Variants in SYT14 observed in about 807,000 individuals in gnomAD.
The protein encoded by SYT14 is synaptotagmin 14, also known as synaptotagmin-14.
SYT14 carries 32 observed loss-of-function variants against 74.2 expected under a neutral mutation model. That is an observed-to-expected ratio of 0.43 (90% CI 0.33 to 0.58). The LOEUF (loss-of-function observed/expected upper bound fraction) is 0.58, where lower values mean the gene tolerates loss of function less well. Ranked by LOEUF, SYT14 falls within the 20% of genes least tolerant of loss-of-function variation. The pLI, the probability that SYT14 is intolerant of heterozygous loss-of-function variation, is 0.05. For synonymous variants in SYT14, 298 were observed against 337.7 expected (o/e 0.88, Z 1.29); for missense variants, 791 against 981.8 (o/e 0.81, Z 2.60).
chr1:210,080,805 A>G (rs2081602281), intron 5 of SYT14, among the ~76,000 whole-genome samples: 1 of 152,224 alleles, frequency 6.6e-6, no homozygotes, highest in Non-Finnish European at 1.5e-5. Context: ...ATAAGTACTT[A>G]GGACCACTTA....
intron 1 of SYT14, among the ~76,000 whole-genome samples, chr1:209,943,151 A>C (rs926004809): frequency 1.3e-5 from 2 of 152,220 alleles, no homozygotes; most frequent in Non-Finnish European, 2.9e-5. Context: ...ATTCAAGGTT[A>C]CTTTTCTAAC....
intron 2 of SYT14, among the ~76,000 whole-genome samples, chr1:210,004,472 A>T (rs1572144709): frequency 6.6e-6 from 1 of 152,126 alleles, no homozygotes; most frequent in African/African-American, 2.4e-5. Context: ...ACCAAATTTT[A>T]CATCTCTTAA....
At chr1:210,055,068 C>T (rs756249855) in intron 5 of SYT14, among the ~76,000 whole-genome samples, 3 of 152,148 alleles carry the variant, frequency 2.0e-5, no homozygotes, top group Non-Finnish European at 4.4e-5. Flanking sequence ...CCTTCAATTC[C>T]TGAGCCTTTC....
intron 7 of SYT14, among the ~76,000 whole-genome samples, chr1:210,137,786 T>C (rs2082821074): frequency 6.6e-6 from 1 of 151,876 alleles, no homozygotes; most frequent in Non-Finnish European, 1.5e-5. Flanking sequence ...GTTCAAGTGA[T>C]TCTCCTGCCT....
At chr1:210,165,406 T>C (rs1400957820) in exon 10 of SYT14, 1 of 152,186 alleles carries the variant, frequency 6.6e-6, no homozygotes, top group Non-Finnish European at 1.5e-5. Context: ...TGTAGATGAC[T>C]TTGATTTGCA....
intron 5 of SYT14, among the ~76,000 whole-genome samples, chr1:210,034,361 T>C (rs2080609053): frequency 6.6e-6 from 1 of 151,746 alleles, no homozygotes; most frequent in Admixed American, 6.6e-5. Context: ...TAAATCTTTA[T>C]TGCTGCTTTA....
At chr1:210,043,972 A>G (rs1024780694) in intron 5 of SYT14, among the ~76,000 whole-genome samples, 2 of 152,040 alleles carry the variant, frequency 1.3e-5, no homozygotes, top group African/African-American at 4.8e-5. Flanking sequence ...GTATTTTTTC[A>G]GAAATCGTTT....
chr1:210,069,498 G>C (rs1334320234), intron 5 of SYT14, among the ~76,000 whole-genome samples: 1 of 151,846 alleles, frequency 6.6e-6, no homozygotes, highest in Non-Finnish European at 1.5e-5. Flanking sequence ...CTTTCTGGTG[G>C]ATTGTCCCAT....
chr1:210,040,341 G>C (rs2102341464), intron 5 of SYT14, among the ~76,000 whole-genome samples: 1 of 152,100 alleles, frequency 6.6e-6, no homozygotes, highest in South Asian at 2.1e-4. Flanking sequence ...ACACAGGGAG[G>C]GGAACATCAC....
At chr1:209,953,196 T>C in intron 2 of SYT14, 2 of 1,287,666 alleles carry the variant, frequency 1.6e-6, no homozygotes, top group Non-Finnish European at 2.0e-6. Context: ...CCAACAACTG[T>C]CTATGCTTCC....
intron 2 of SYT14, among the ~76,000 whole-genome samples, chr1:209,995,397 A>G (rs751881068): frequency 3.3e-5 from 5 of 152,246 alleles, no homozygotes; most frequent in Admixed American, 6.5e-5. Context: ...GAAGGACATT[A>G]CATAATGATG....
At chr1:210,035,152 A>G (rs2080631520) in intron 5 of SYT14, among the ~76,000 whole-genome samples, 2 of 151,702 alleles carry the variant, frequency 1.3e-5, no homozygotes. Context: ...TTTTGACTTA[A>G]TAATAGTCAT....
chr1:209,966,256 C>T (rs1186465479), intron 2 of SYT14, among the ~76,000 whole-genome samples: 1 of 152,170 alleles, frequency 6.6e-6, no homozygotes, highest in African/African-American at 2.4e-5. Flanking sequence ...AGCTTTATAA[C>T]CATTCTTGAA....
intron 7 of SYT14, among the ~76,000 whole-genome samples, chr1:210,108,656 A>G (rs1048046899): frequency 4.7e-5 from 7 of 150,464 alleles, no homozygotes; most frequent in Non-Finnish European, 1.0e-4. Flanking sequence ...ATAACTGAAG[A>G]GAGCCATTAA....
intron 2 of SYT14, among the ~76,000 whole-genome samples, chr1:210,000,534 T>G (rs1373061146): frequency 6.6e-6 from 1 of 151,678 alleles, no homozygotes; most frequent in Non-Finnish European, 1.5e-5. Flanking sequence ...CTTCTGTTGC[T>G]TTTATCGAAT....
chr1:210,143,165 G>C (rs753438441), intron 7 of SYT14, among the ~76,000 whole-genome samples: 2 of 151,850 alleles, frequency 1.3e-5, no homozygotes, highest in Non-Finnish European at 2.9e-5. Flanking sequence ...GGTTGGTCAT[G>C]TGAGATTAAA....
intron 7 of SYT14, among the ~76,000 whole-genome samples, chr1:210,107,836 AC>A (rs2082186894): frequency 6.6e-6 from 1 of 151,928 alleles, no homozygotes; most frequent in Non-Finnish European, 1.5e-5. Flanking sequence ...CAGGATGTTT[AC>A]CTAATAGCAA....
intron 7 of SYT14, among the ~76,000 whole-genome samples, chr1:210,126,616 TA>T (rs1489211891): frequency 6.6e-6 from 1 of 152,180 alleles, no homozygotes; most frequent in Non-Finnish European, 1.5e-5. Context: ...TCAGAAACCC[TA>T]AAATGTCAAG....
chr1:210,061,681 G>T (rs1158454785), intron 5 of SYT14, among the ~76,000 whole-genome samples: 1 of 151,740 alleles, frequency 6.6e-6, no homozygotes, highest in African/African-American at 2.4e-5. Flanking sequence ...ATTTAGTAGT[G>T]GGGTTTATAC....
Sources: gnomAD v4.1 joint callset for allele counts (sites outside exome capture counted in the v4.1 genomes callset) on GRCh38, gnomAD v4.1.1 for gene constraint, MANE v1.5 for transcripts, NCBI Gene and HGNC (gene_info 2026-07-23, HGNC 2026-07-21) for gene names.